The following HS3ST4 variants were observed in gnomAD, a reference collection of about 807,000 sequenced individuals.
The protein encoded by HS3ST4 is heparan sulfate-glucosamine 3-sulfotransferase 4, also known as heparan sulfate glucosamine 3-O-sulfotransferase 4.
In HS3ST4, 17 loss-of-function variants were observed where a neutral mutation model predicts 29.2. The ratio of observed to expected loss-of-function variants is 0.58; its 90% confidence interval spans 0.40 to 0.87. HS3ST4 has a LOEUF of 0.87. Ranked by LOEUF, HS3ST4 falls within the 40% of genes least tolerant of loss-of-function variation. The probability of loss-of-function intolerance (pLI) is 0.00; values close to 1 mark genes in which losing one functional copy is unlikely to be tolerated. For missense variants in HS3ST4, 627 were observed against 634.5 expected, an observed-to-expected ratio of 0.99 and a Z score of 0.13; for synonymous variants, 314 against 285.7, an observed-to-expected ratio of 1.10 and a Z score of -1.00.
intron 1 of HS3ST4, among the ~76,000 whole-genome samples, chr16:26,132,853 G>A (rs964861340): frequency 1.3e-5 from 2 of 152,168 alleles, no homozygotes; most frequent in African/African-American, 4.8e-5. Flanking sequence ...CTATTTTCAG[G>A]TGATGTGTTT....
At chr16:25,744,390 C>T (rs8048345) in intron 1 of HS3ST4, among the ~76,000 whole-genome samples, 5,551 of 152,160 alleles carry the variant, frequency 0.036, 360 homozygotes, top group African/African-American at 0.13. Flanking sequence ...GTGAGAAATT[C>T]GAAGTTAATA....
chr16:25,882,016 G>A (rs756714772), intron 1 of HS3ST4, among the ~76,000 whole-genome samples: 2 of 152,278 alleles, frequency 1.3e-5, no homozygotes, highest in East Asian at 1.9e-4. Flanking sequence ...AGCTTCAGGT[G>A]GCTTTGCTTT....
At chr16:25,744,458 A>G (rs1178017378) in intron 1 of HS3ST4, among the ~76,000 whole-genome samples, 1 of 152,228 alleles carries the variant, frequency 6.6e-6, no homozygotes, top group Non-Finnish European at 1.5e-5. Flanking sequence ...CATCCTAAAT[A>G]GCAGTGCCTT....
chr16:25,879,407 G>A (rs555172664), intron 1 of HS3ST4, among the ~76,000 whole-genome samples: 16 of 152,206 alleles, frequency 1.1e-4, no homozygotes, highest in South Asian at 2.1e-4. Context: ...AAAGTTCCAC[G>A]TGGCAGGGGA....
intron 1 of HS3ST4, among the ~76,000 whole-genome samples, chr16:25,958,157 T>G (rs1968755747): frequency 6.6e-6 from 1 of 152,110 alleles, no homozygotes; most frequent in Admixed American, 6.5e-5. Context: ...GAGAGAGAAA[T>G]ATTGCAGCAA....
At chr16:25,727,894 G>T (rs1023644406) in intron 1 of HS3ST4, among the ~76,000 whole-genome samples, 1 of 152,162 alleles carries the variant, frequency 6.6e-6, no homozygotes, top group Non-Finnish European at 1.5e-5. Flanking sequence ...TATGGACCTC[G>T]TGGAAATACT....
chr16:25,828,498 A>T (rs1340647445), intron 1 of HS3ST4, among the ~76,000 whole-genome samples: 1 of 151,362 alleles, frequency 6.6e-6, no homozygotes, highest in Non-Finnish European at 1.5e-5. Flanking sequence ...CCGCCACCAC[A>T]GTCAGCTAGT....
chr16:25,964,358 G>A (rs1596628668), intron 1 of HS3ST4, among the ~76,000 whole-genome samples: 1 of 152,122 alleles, frequency 6.6e-6, no homozygotes, highest in East Asian at 1.9e-4. Flanking sequence ...TGTACACCCA[G>A]AATCTAAGAG....
At chr16:25,856,064 C>T (rs1967571454) in intron 1 of HS3ST4, among the ~76,000 whole-genome samples, 1 of 152,058 alleles carries the variant, frequency 6.6e-6, no homozygotes, top group African/African-American at 2.4e-5. Flanking sequence ...CTCTCCAATT[C>T]CCCACCAGAG....
intron 1 of HS3ST4, among the ~76,000 whole-genome samples, chr16:25,756,599 A>G (rs1966760188): frequency 6.6e-6 from 1 of 152,162 alleles, no homozygotes; most frequent in Non-Finnish European, 1.5e-5. Context: ...TTCAGATTCA[A>G]TATTGACCAC....
At chr16:25,889,349 C>T (rs1416400902) in intron 1 of HS3ST4, among the ~76,000 whole-genome samples, 1 of 152,142 alleles carries the variant, frequency 6.6e-6, no homozygotes, top group Admixed American at 6.5e-5. Flanking sequence ...CCCCTCCGGC[C>T]CCTAGGTCAG....
chr16:26,049,500 G>GTGTGTGTA (rs1898311248), intron 1 of HS3ST4, among the ~76,000 whole-genome samples: 1 of 150,104 alleles, frequency 6.7e-6, no homozygotes, highest in African/African-American at 2.5e-5. Flanking sequence ...GTGTGTATGT[G>GTGTGTGTA]TGTGTCCTTG....
intron 1 of HS3ST4, among the ~76,000 whole-genome samples, chr16:25,735,459 G>A (rs1202191864): frequency 2.0e-5 from 3 of 151,854 alleles, no homozygotes; most frequent in Non-Finnish European, 4.4e-5. Context: ...TGCAATCATG[G>A]CTTACTGCAG....
intron 1 of HS3ST4, among the ~76,000 whole-genome samples, chr16:25,942,480 T>G (rs2141692889): frequency 6.6e-6 from 1 of 152,176 alleles, no homozygotes; most frequent in African/African-American, 2.4e-5. Context: ...TCTCAAAGAG[T>G]ACTGAAAAAC....
chr16:25,728,865 G>A (rs1311451278), intron 1 of HS3ST4, among the ~76,000 whole-genome samples: 1 of 152,158 alleles, frequency 6.6e-6, no homozygotes, highest in Non-Finnish European at 1.5e-5. Flanking sequence ...GAAGGATCTT[G>A]TGAGCCCAGG....
intron 1 of HS3ST4, among the ~76,000 whole-genome samples, chr16:26,004,530 C>T (rs1011924928): frequency 1.3e-5 from 2 of 152,148 alleles, no homozygotes; most frequent in African/African-American, 2.4e-5. Flanking sequence ...GAAGCAGGCA[C>T]TTAAATGCTA....
intron 1 of HS3ST4, among the ~76,000 whole-genome samples, chr16:25,823,713 A>G (rs775681798): frequency 4.8e-4 from 73 of 152,128 alleles, no homozygotes; most frequent in Non-Finnish European, 9.4e-4. Context: ...GGCATGCACC[A>G]TGATGCCCAG....
At chr16:25,775,789 T>C (rs1596567106) in intron 1 of HS3ST4, among the ~76,000 whole-genome samples, 1 of 152,236 alleles carries the variant, frequency 6.6e-6, no homozygotes, top group East Asian at 1.9e-4. Flanking sequence ...GTCCCTTTCC[T>C]TGATGCTCTT....
chr16:26,104,010 C>A (rs1376124365), intron 1 of HS3ST4, among the ~76,000 whole-genome samples: 1 of 152,076 alleles, frequency 6.6e-6, no homozygotes, highest in East Asian at 1.9e-4. Flanking sequence ...CCTATGATGC[C>A]ATAAAAATGT....
Sources: allele counts gnomAD v4.1 joint callset (sites outside exome capture counted in the v4.1 genomes callset), GRCh38; gene constraint gnomAD v4.1.1; transcripts MANE v1.5; gene names NCBI Gene and HGNC (gene_info 2026-07-23, HGNC 2026-07-21).